ITPR2: variants seen among roughly 807,000 people sequenced by gnomAD.
The protein encoded by ITPR2 is inositol 1,4,5-trisphosphate-gated calcium channel ITPR2.
Under a neutral mutation model 317.1 loss-of-function variants are expected in ITPR2, and 207 were observed. The observed-to-expected ratio is 0.65, with a 90% CI of 0.58 to 0.73. ITPR2 has a LOEUF of 0.73. Ranked by LOEUF, ITPR2 falls within the 30% of genes least tolerant of loss-of-function variation. The probability of loss-of-function intolerance (pLI) is 0.00; values close to 1 mark genes in which losing one functional copy is unlikely to be tolerated. For synonymous variants in ITPR2, 1,156 were observed against 1,149.1 expected (o/e 1.01, Z -0.12); for missense variants, 2,613 against 3,284.0 (o/e 0.80, Z 4.99).
rs565894050 is a variant in ITPR2, at chr12:26,522,095, C to A, written c.5074-26835G>T. On this transcript the variant is annotated intron_variant, in intron 37 of 56. Coordinates refer to ENST00000381340, the MANE Select transcript of ITPR2 (RefSeq NM_002223.4). The stretch of plus-strand genomic sequence containing the variant: ...TTTTCTATTAAAGTTTTACTAAGAA[C>A]CAAAAAGAATAAACTATGTTTTTAC... Among the ~76,000 whole-genome samples the A allele has an allele frequency of 3.3e-5, 5 of 152,026 alleles. No homozygotes were observed. The South Asian group carries it at 1.0e-3, about 31-fold the overall frequency.
intron 46 of ITPR2, among the ~76,000 whole-genome samples, chr12:26,442,294 C>T (rs191036513): frequency 1.3e-5 from 2 of 152,248 alleles, no homozygotes; most frequent in Admixed American, 6.5e-5. Flanking sequence ...TTATTATTTT[C>T]TCTACATTTC....
chr12:26,634,847 C>T (rs1437944960), intron 21 of ITPR2, among the ~76,000 whole-genome samples: 3 of 135,686 alleles, frequency 2.2e-5, no homozygotes, highest in Admixed American at 7.8e-5. Flanking sequence ...ACTGCACCAC[C>T]GCACTCCAGC....
chr12:26,661,632 C>A (rs1435782854), intron 15 of ITPR2, among the ~76,000 whole-genome samples: 1 of 152,122 alleles, frequency 6.6e-6, no homozygotes, highest in Non-Finnish European at 1.5e-5. Context: ...CCTCTATAGA[C>A]CTGTTAGGTA....
intron 41 of ITPR2, among the ~76,000 whole-genome samples, chr12:26,484,775 C>G (rs1308967253): frequency 1.7e-3 from 254 of 152,154 alleles, no homozygotes; most frequent in African/African-American, 5.8e-3. Flanking sequence ...GCAGTGGCAT[C>G]ATCTCCGCTC....
At chr12:26,530,175 C>T (rs1943910496) in intron 37 of ITPR2, among the ~76,000 whole-genome samples, 1 of 152,116 alleles carries the variant, frequency 6.6e-6, no homozygotes, top group Non-Finnish European at 1.5e-5. Context: ...CAGGTTAGAG[C>T]CAAGGGTCCT....
Position 26,411,379 on chromosome 12 carries a change from GTAGT to G in ITPR2, c.7336_7339del (p.Thr2446ProfsTer2). The G allele has an allele frequency of 6.2e-7, 1 of 1,613,456 alleles. No individual in the cohort carries two copies. Among genetic ancestry groups the G allele is most frequent in the Non-Finnish European group, 8.5e-7 (1 of 1,179,644 alleles). On this transcript the variant is annotated frameshift_variant, in exon 52 of 57. Coordinates refer to ENST00000381340, the MANE Select transcript of ITPR2 (RefSeq NM_002223.4). LOFTEE classifies it high-confidence loss of function. ...CTCCTTGGCACATGCTTCCATCATG[GTAGT>G]TAAAGTCATAGTAGGCACTTGATGA... is the stretch of plus-strand genomic sequence containing the variant.
intron 15 of ITPR2, among the ~76,000 whole-genome samples, chr12:26,662,533 C>T (rs1286119240): frequency 1.3e-5 from 2 of 152,306 alleles, no homozygotes; most frequent in African/African-American, 4.8e-5. Flanking sequence ...GGACCAAACT[C>T]ATCAATGAAA....
At chr12:26,530,535 G>C (rs1943920092) in intron 37 of ITPR2, among the ~76,000 whole-genome samples, 1 of 152,188 alleles carries the variant, frequency 6.6e-6, no homozygotes. Context: ...TGGCTCCCCA[G>C]TTGGGGCTAT....
chr12:26,476,904 T>G lies in ITPR2; in HGVS notation c.6219+8A>C. ...CAATATTGACCAAGCTTTTAAAAGT[T>G]TTCTTACCAGTTCTCTGGGTCTCAT... On this transcript the variant is annotated splice_region_variant and intron_variant, in intron 44 of 56. Coordinates refer to ENST00000381340, the MANE Select transcript of ITPR2 (RefSeq NM_002223.4). 6.3e-7 allele frequency: 1 copy of G among 1,597,684 alleles called. No individual in the cohort carries two copies. The highest frequency in any genetic ancestry group is 1.1e-5 in the South Asian group (1 of 90,208).
At chr12:26,583,639 C>A (rs1017465834) in intron 32 of ITPR2, among the ~76,000 whole-genome samples, 7 of 152,022 alleles carry the variant, frequency 4.6e-5, no homozygotes, top group Non-Finnish European at 1.0e-4. Flanking sequence ...TAATTTTTCT[C>A]CATACGGATA....
At chr12:26,709,440 A>T (rs1948608858) in intron 9 of ITPR2, among the ~76,000 whole-genome samples, 1 of 152,214 alleles carries the variant, frequency 6.6e-6, no homozygotes, top group Non-Finnish European at 1.5e-5. Context: ...GAGTCTTTCA[A>T]ATCTTTTCAA....
intron 49 of ITPR2, among the ~76,000 whole-genome samples, chr12:26,425,496 A>G (rs1283889985): frequency 7.3e-5 from 11 of 151,706 alleles, no homozygotes; most frequent in Non-Finnish European, 1.5e-4. Context: ...GTGAAACCTC[A>G]TCTCCACTAA....
chr12:26,757,819 T>C (rs375511000), intron 2 of ITPR2, among the ~76,000 whole-genome samples: 31 of 152,366 alleles, frequency 2.0e-4, no homozygotes, highest in Admixed American at 7.8e-4. Flanking sequence ...TTTAATTTTA[T>C]TGGACTCTCA....
chr12:26,637,198 T>G (rs994415087), intron 21 of ITPR2, among the ~76,000 whole-genome samples: 2 of 152,178 alleles, frequency 1.3e-5, no homozygotes. Flanking sequence ...ATAAAGTACC[T>G]AATGTTCATC....
chr12:26,488,957 A>G lies in ITPR2; in HGVS notation c.5371-1706T>C, dbSNP rs575001334. Among the ~76,000 whole-genome samples the G allele has an allele frequency of 3.3e-5, 5 of 152,298 alleles. No individual in the cohort carries two copies. In the South Asian group the frequency reaches 1.0e-3, roughly 32 times the overall value. ...AGATGAGTGACTTGCCCAACATTAT[A>G]TAACTAGTAAGGGGTAGAGCTAGGA... On this transcript the variant is annotated intron_variant, in intron 39 of 56. Coordinates refer to ENST00000381340, the MANE Select transcript of ITPR2 (RefSeq NM_002223.4).
At chr12:26,513,547 C>A (rs894850194) in intron 37 of ITPR2, among the ~76,000 whole-genome samples, 2 of 151,942 alleles carry the variant, frequency 1.3e-5, no homozygotes, top group Non-Finnish European at 2.9e-5. Context: ...TCAGACCTCT[C>A]TCTCTCTCTC....
intron 54 of ITPR2, among the ~76,000 whole-genome samples, chr12:26,391,689 C>T (rs1393210096): frequency 6.6e-6 from 1 of 151,212 alleles, no homozygotes; most frequent in Non-Finnish European, 1.5e-5. Flanking sequence ...CTCAGCCTCC[C>T]GAGTAGCTGG....
chr12:26,585,501 T>C (rs1267992666), intron 32 of ITPR2, among the ~76,000 whole-genome samples: 1 of 152,066 alleles, frequency 6.6e-6, no homozygotes, highest in Non-Finnish European at 1.5e-5. Context: ...GCCTCCCAGG[T>C]TTAAGGGATC....
intron 13 of ITPR2, among the ~76,000 whole-genome samples, chr12:26,675,163 C>G (rs1252643257): frequency 3.9e-5 from 6 of 152,062 alleles, no homozygotes; most frequent in African/African-American, 1.4e-4. Context: ...TCTAGAACTA[C>G]AAATACCATT....
Sources: gnomAD v4.1 joint callset for allele counts (sites outside exome capture counted in the v4.1 genomes callset) on GRCh38, gnomAD v4.1.1 for gene constraint, MANE v1.5 for transcripts, NCBI Gene and HGNC (gene_info 2026-07-23, HGNC 2026-07-21) for gene names.